The following KSR1 variants were observed in gnomAD, a reference collection of about 807,000 sequenced individuals.
KSR1 encodes the protein kinase suppressor of ras 1.
A neutral mutation model predicts 92.9 loss-of-function variants in KSR1; 35 were observed. That is an observed-to-expected ratio of 0.38 (90% CI 0.29 to 0.50). The LOEUF (loss-of-function observed/expected upper bound fraction) is 0.50, where lower values mean the gene tolerates loss of function less well. KSR1 is among the 20% of genes least tolerant of loss of function. The probability of loss-of-function intolerance (pLI) is 0.94; values close to 1 mark genes in which losing one functional copy is unlikely to be tolerated. For missense variants in KSR1, 972 were observed against 1,158.5 expected, an observed-to-expected ratio of 0.84 and a Z score of 2.34; for synonymous variants, 467 against 472.6, an observed-to-expected ratio of 0.99 and a Z score of 0.15.
At chr17:27,539,559 T>G (rs1018927163) in intron 1 of KSR1, among the ~76,000 whole-genome samples, 13 of 152,340 alleles carry the variant, frequency 8.5e-5, no homozygotes, top group African/African-American at 3.1e-4. Context: ...ACCGTTGTCC[T>G]TGGAGTCCAA....
At position 27,456,800 on chromosome 17, in the gene KSR1, G is replaced by C. The variant is rs755324263; in HGVS notation, c.157G>C (p.Gly53Arg). Reference protein sequence around the residue: ...QLQKLIDISIGSLRGLRTKCA... With the variant: ...QLQKLIDISIRSLRGLRTKCA... ...CCAGAAGCTCATCGACATCTCCATC[G>C]GCAGCCTGCGCGGGCTGCGCACCAA... The change falls in exon 1 of 21, where the codon GGC (glycine) becomes CGC (arginine). Residue 53 changes from glycine (G) to arginine (R), a missense_variant. Coordinates refer to ENST00000644974, the MANE Select transcript of KSR1 (RefSeq NM_001394583.1). The C allele has an allele frequency of 1.1e-5, 17 of 1,553,370 alleles. No homozygotes were observed. The East Asian group carries it at 3.4e-4, about 31-fold the overall frequency.
At chr17:27,546,207 T>C (rs1483894523) in intron 1 of KSR1, among the ~76,000 whole-genome samples, 1 of 152,172 alleles carries the variant, frequency 6.6e-6, no homozygotes, top group African/African-American at 2.4e-5. Context: ...CCTGAGCATA[T>C]GTTTTATGCC....
chr17:27,482,505 T>G (rs1267253893), intron 1 of KSR1, among the ~76,000 whole-genome samples: 1 of 152,222 alleles, frequency 6.6e-6, no homozygotes, highest in African/African-American at 2.4e-5. Flanking sequence ...GGACCAACTA[T>G]GATTTAAAAA....
In KSR1 at chr17:27,485,189, C is replaced by T. The variant is rs904986209; in HGVS notation, c.231+28315C>T. On this transcript the variant is annotated intron_variant, in intron 1 of 20. Transcript: ENST00000644974. ...GCAAGTATGCCCACCCTGGACTGTT[C>T]TCTTCTCTCACATGAGTCATCTCCT... Among the ~76,000 whole-genome samples the T allele has an allele frequency of 5.3e-5, 8 of 152,334 alleles. No individual in the cohort carries two copies. In the East Asian group the frequency reaches 1.5e-3, roughly 29 times the overall value.
At chr17:27,614,288 C>A (rs2151257448) in intron 18 of KSR1, among the ~76,000 whole-genome samples, 1 of 152,330 alleles carries the variant, frequency 6.6e-6, no homozygotes, top group East Asian at 1.9e-4. Flanking sequence ...TGTCACTGGA[C>A]ATGGGGATTC....
At chr17:27,521,870 T>C (rs556378449) in intron 1 of KSR1, among the ~76,000 whole-genome samples, 4 of 152,234 alleles carry the variant, frequency 2.6e-5, no homozygotes, top group African/African-American at 4.8e-5. Context: ...AATTATGATG[T>C]TGATGATAAA....
intron 2 of KSR1, among the ~76,000 whole-genome samples, chr17:27,567,430 T>TA (rs909021251): frequency 1.3e-5 from 2 of 152,160 alleles, no homozygotes; most frequent in South Asian, 4.2e-4. Flanking sequence ...GTCTCTTTTT[T>TA]AAAAAAAGTT....
intron 1 of KSR1, among the ~76,000 whole-genome samples, chr17:27,457,133 C>CA (rs896093420): frequency 6.6e-6 from 1 of 152,152 alleles, no homozygotes; most frequent in African/African-American, 2.4e-5. Context: ...TGCGCGCGGA[C>CA]ATCCCCTTTC....
chr17:27,554,001 C>G (rs959544702), intron 2 of KSR1, among the ~76,000 whole-genome samples: 9 of 152,188 alleles, frequency 5.9e-5, no homozygotes, highest in Non-Finnish European at 1.2e-4. Context: ...GACTCTGACT[C>G]GATACCCACT....
chr17:27,463,875 T>G (rs1419704765), intron 1 of KSR1, among the ~76,000 whole-genome samples: 3 of 152,142 alleles, frequency 2.0e-5, no homozygotes, highest in Non-Finnish European at 2.9e-5. Context: ...GATGATTTAG[T>G]AGAGTTGTGG....
rs115850053 is a variant in KSR1, at chr17:27,490,780, A to G, written c.231+33906A>G. On this transcript the variant is annotated intron_variant, in intron 1 of 20. Coordinates refer to ENST00000644974, the MANE Select transcript of KSR1 (RefSeq NM_001394583.1). ...AATGTATGTTCCTTAGGATTCAGCA[A>G]TCTCACTTGTGGGACTCTGACACCT... 4.3e-3 allele frequency among the ~76,000 whole-genome samples: 649 copies of G among 152,310 alleles called. 3 individuals are homozygous for G. The highest frequency in any genetic ancestry group is 0.015 in the African/African-American group (618 of 41,558).
chr17:27,609,832 A>G, intron 16 of KSR1: 1 of 440,480 alleles, frequency 2.3e-6, no homozygotes, highest in Non-Finnish European at 4.0e-6. Flanking sequence ...GCTCCCTGTC[A>G]ATATTTATCC....
intron 1 of KSR1, among the ~76,000 whole-genome samples, chr17:27,466,488 T>G (rs980139198): frequency 5.9e-5 from 9 of 152,276 alleles, no homozygotes; most frequent in African/African-American, 1.7e-4. Context: ...ACTTCCTGCC[T>G]CCTCCTGGCC....
At position 27,605,793 on chromosome 17, in the gene KSR1, C is replaced by A. The variant is rs1482654546; in HGVS notation, c.1974C>A (p.Pro658=). 4 of 1,612,642 alleles carry A rather than the reference C, an allele frequency of 2.5e-6. No homozygotes were observed. In the South Asian group the frequency reaches 4.4e-5, roughly 18 times the overall value. ...VLFMGACMNP[P]HLAIITSFCK... ...TCATGGGGGCCTGCATGAACCCGCC[C>A]CACCTGGCCATTATCACCAGGTAAC... The change falls in exon 14 of 21, where the codon CCC becomes CCA. Residue 658 remains proline (P), a synonymous_variant. Transcript: ENST00000644974.
At chr17:27,575,662 G>C (rs2072477489) in intron 2 of KSR1, among the ~76,000 whole-genome samples, 1 of 152,168 alleles carries the variant, frequency 6.6e-6, no homozygotes, top group Non-Finnish European at 1.5e-5. Flanking sequence ...GAATGGCTCT[G>C]GTTCCAGTGC....
chr17:27,478,110 C>G (rs2068399594), intron 1 of KSR1, among the ~76,000 whole-genome samples: 1 of 152,174 alleles, frequency 6.6e-6, no homozygotes, highest in Non-Finnish European at 1.5e-5. Context: ...GACCTTTTTA[C>G]CCAGAAATTC....
chr17:27,553,859 C>T (rs1383454651), intron 2 of KSR1, among the ~76,000 whole-genome samples: 1 of 152,210 alleles, frequency 6.6e-6, no homozygotes, highest in Non-Finnish European at 1.5e-5. Context: ...AGAGTTTCTC[C>T]TTGTACATGT....
At chr17:27,576,657 C>T (rs901411304) in intron 2 of KSR1, among the ~76,000 whole-genome samples, 6 of 152,100 alleles carry the variant, frequency 3.9e-5, no homozygotes, top group Admixed American at 3.9e-4. Flanking sequence ...TTCACGTCTC[C>T]GGTGGGATGG....
At chr17:27,554,003 A>G (rs1426776750) in intron 2 of KSR1, among the ~76,000 whole-genome samples, 7 of 152,160 alleles carry the variant, frequency 4.6e-5, no homozygotes, top group Non-Finnish European at 1.0e-4. Context: ...CTCTGACTCG[A>G]TACCCACTGC....
Sources: allele counts gnomAD v4.1 joint callset (sites outside exome capture counted in the v4.1 genomes callset), GRCh38; gene constraint gnomAD v4.1.1; transcripts MANE v1.5; gene names NCBI Gene and HGNC (gene_info 2026-07-23, HGNC 2026-07-21).